Variants in TXNL4A observed in about 807,000 individuals in gnomAD.
TXNL4A encodes the protein thioredoxin-like protein 4A.
A neutral mutation model predicts 14.6 loss-of-function variants in TXNL4A; 17 were observed. The observed-to-expected ratio is 1.16, with a 90% confidence interval of 0.80 to 1.74. The LOEUF is 1.74. Among genes scored for constraint, TXNL4A ranks in the 40% most tolerant of loss-of-function variants. The pLI, the probability that TXNL4A is intolerant of heterozygous loss-of-function variation, is 0.00. For missense variants in TXNL4A, 74 were observed against 195.2 expected (o/e 0.38, Z 3.70); for synonymous variants, 83 against 70.6 (o/e 1.18, Z -0.88).
intron 1 of TXNL4A, among the ~76,000 whole-genome samples, chr18:80,000,295 C>T (rs1187691732): frequency 2.0e-5 from 3 of 152,174 alleles, no homozygotes; most frequent in African/African-American, 7.2e-5. Flanking sequence ...CAATGAAATC[C>T]AGGCTGAGGT....
At chr18:79,984,596 CAAT>C (rs2051515382) in intron 1 of TXNL4A, among the ~76,000 whole-genome samples, 1 of 152,174 alleles carries the variant, frequency 6.6e-6, no homozygotes, top group Non-Finnish European at 1.5e-5. Context: ...TATCATGAGT[CAAT>C]AATATTACTG....
At chr18:80,010,528 A>T (rs1168597715) in intron 1 of TXNL4A, among the ~76,000 whole-genome samples, 1 of 152,084 alleles carries the variant, frequency 6.6e-6, no homozygotes, top group African/African-American at 2.4e-5. Context: ...CAGTCCAAAC[A>T]AAGGAAAGGA....
rs565018768 is a variant in TXNL4A at position 80,011,057 on chromosome 18, G to A, written c.-61+22794C>T. On this transcript the variant is annotated intron_variant, in intron 1 of 2. Transcript: ENST00000585474. This position sits in a 1 kb window ranked among gnomAD's most constrained non-coding sequence, Gnocchi z 4.1. ...GGGGTTGGTTTAAGGGTCCGCGGAA[G>A]AAAGGCACATCCATGTGTGGTTTTA... Among the ~76,000 whole-genome samples the A allele has an allele frequency of 1.3e-3, 194 of 152,242 alleles. No individual in the cohort carries two copies. Among genetic ancestry groups the A allele is most frequent in the African/African-American group, 4.5e-3 (186 of 41,532 alleles).
intron 1 of TXNL4A, among the ~76,000 whole-genome samples, chr18:80,028,990 C>G (rs1189373647): frequency 6.6e-6 from 1 of 152,168 alleles, no homozygotes; most frequent in African/African-American, 2.4e-5. Flanking sequence ...CCCGAGCCAC[C>G]AGCCCCAATC....
intron 1 of TXNL4A, among the ~76,000 whole-genome samples, chr18:80,033,237 A>G (rs1367243833): frequency 6.6e-6 from 1 of 152,128 alleles, no homozygotes; most frequent in Non-Finnish European, 1.5e-5. Context: ...ACATGTCCAC[A>G]CACATGCACA....
At chr18:79,985,795 A>C (rs1045992115) in intron 1 of TXNL4A, 2 of 152,192 alleles carry the variant, frequency 1.3e-5, no homozygotes, top group Non-Finnish European at 2.9e-5. Context: ...ACTGTTACTC[A>C]CTTTAAAACA....
chr18:80,028,422 C>G (rs2051899176), intron 1 of TXNL4A, among the ~76,000 whole-genome samples: 1 of 151,422 alleles, frequency 6.6e-6, no homozygotes, highest in South Asian at 2.1e-4. Flanking sequence ...ATTACTACTT[C>G]CAGTATAATA....
upstream of TXNL4A, among the ~76,000 whole-genome samples, chr18:79,989,946 A>C (rs2051614590): frequency 6.6e-6 from 1 of 152,214 alleles, no homozygotes. Context: ...CAGTGAGCTG[A>C]GATCGCACCA....
intron 1 of TXNL4A, among the ~76,000 whole-genome samples, chr18:80,015,251 CA>C (rs565042795): frequency 2.5e-4 from 37 of 145,506 alleles, no homozygotes; most frequent in Middle Eastern, 3.6e-3. Context: ...AATTTCTCCT[CA>C]AAAAAAAAAA....
intron 1 of TXNL4A, among the ~76,000 whole-genome samples, chr18:80,019,355 C>T (rs1421091610): frequency 6.6e-6 from 1 of 152,158 alleles, no homozygotes; most frequent in Non-Finnish European, 1.5e-5. Flanking sequence ...AAAGCAAAAA[C>T]CCCTGATAAA....
chr18:80,029,648 C>T (rs935578249), intron 1 of TXNL4A, among the ~76,000 whole-genome samples: 52 of 152,190 alleles, frequency 3.4e-4, no homozygotes, highest in African/African-American at 1.1e-3. Context: ...ATCCTCAGGC[C>T]TAGTGGAGAG....
chr18:80,017,566 G>T (rs1197792161), intron 1 of TXNL4A, among the ~76,000 whole-genome samples: 1 of 152,128 alleles, frequency 6.6e-6, no homozygotes, highest in Admixed American at 6.5e-5. Flanking sequence ...AGAGTTTTTA[G>T]CATGAAGTGT....
At chr18:80,026,996 T>C (rs535632162) in intron 1 of TXNL4A, among the ~76,000 whole-genome samples, 29 of 152,148 alleles carry the variant, frequency 1.9e-4, no homozygotes, top group East Asian at 5.8e-4. Context: ...AGAGAAGACA[T>C]TGGAATAAAG....
At chr18:79,988,627 T>C (rs2051597180), upstream of TXNL4A, 1 of 358,252 alleles carries the variant, frequency 2.8e-6, no homozygotes, top group Non-Finnish European at 4.9e-6. Context: ...CCGTGCGTGC[T>C]GACGGCATGT....
intron 1 of TXNL4A, among the ~76,000 whole-genome samples, chr18:80,013,543 T>G (rs550948659): frequency 6.8e-4 from 103 of 152,008 alleles, no homozygotes; most frequent in Non-Finnish European, 1.3e-3. Context: ...CAAACGATTC[T>G]CCTGCCTCAG....
chr18:79,979,575 T>C (rs2051432442), intron 1 of TXNL4A: 1 of 152,928 alleles, frequency 6.5e-6, no homozygotes, highest in South Asian at 1.8e-4. Context: ...TCTGCCATGA[T>C]TGGAAGGTCC....
intron 1 of TXNL4A, among the ~76,000 whole-genome samples, chr18:80,012,725 T>G (rs2145116667): frequency 6.6e-6 from 1 of 152,326 alleles, no homozygotes; most frequent in African/African-American, 2.4e-5. Context: ...TTTGAAAAAT[T>G]AGAGACACAG....
At chr18:80,008,797 A>C (rs1183477605) in intron 1 of TXNL4A, among the ~76,000 whole-genome samples, 1 of 152,052 alleles carries the variant, frequency 6.6e-6, no homozygotes. Context: ...CTTTCTTTTG[A>C]GATGGAGTCT....
chr18:79,999,642 T>G (rs774864592), intron 1 of TXNL4A, among the ~76,000 whole-genome samples: 2 of 151,392 alleles, frequency 1.3e-5, no homozygotes, highest in African/African-American at 4.9e-5. Context: ...GGGTAACCAA[T>G]TGGCTCATGC....
Sources: allele counts gnomAD v4.1 joint callset (sites outside exome capture counted in the v4.1 genomes callset), GRCh38; gene constraint gnomAD v4.1.1; non-coding constraint Gnocchi (gnomAD v3.1); transcripts MANE v1.5; gene names NCBI Gene and HGNC (gene_info 2026-07-23, HGNC 2026-07-21).